The following TTC27 variants were observed in gnomAD, a reference collection of about 807,000 sequenced individuals.
The protein encoded by TTC27 is tetratricopeptide repeat domain 27.
A neutral mutation model predicts 115.9 loss-of-function variants in TTC27; 79 were observed. The observed-to-expected ratio is 0.68, with a 90% CI of 0.57 to 0.82. The LOEUF is 0.82. Ranked by LOEUF, TTC27 falls within the 40% of genes least tolerant of loss-of-function variation. TTC27 has a pLI of 0.00. For missense variants in TTC27, 1,054 were observed against 993.1 expected, an observed-to-expected ratio of 1.06 and a Z score of -0.82; for synonymous variants, 401 against 356.0, an observed-to-expected ratio of 1.13 and a Z score of -1.42.
At chr2:32,733,054 A>C (rs1004930068) in intron 10 of TTC27, among the ~76,000 whole-genome samples, 5 of 152,192 alleles carry the variant, frequency 3.3e-5, no homozygotes, top group Non-Finnish European at 5.9e-5. Flanking sequence ...GCAATCCCAC[A>C]ATGTGTCTTC....
chr2:32,685,015 C>CTTT (rs70938361), intron 9 of TTC27, among the ~76,000 whole-genome samples: 2 of 116,310 alleles, frequency 1.7e-5, no homozygotes, highest in Admixed American at 1.0e-4. Flanking sequence ...TTGCCTTTTC[C>CTTT]TTTTTTTTTT....
chr2:32,670,052 A>G (rs1665953196), intron 7 of TTC27, among the ~76,000 whole-genome samples: 2 of 151,684 alleles, frequency 1.3e-5, no homozygotes, highest in South Asian at 4.2e-4. Flanking sequence ...TAGTTGTTGT[A>G]TTTTTAGTAG....
chr2:32,817,884 C>T (rs1213349096), intron 19 of TTC27, among the ~76,000 whole-genome samples: 2 of 152,068 alleles, frequency 1.3e-5, no homozygotes, highest in Non-Finnish European at 2.9e-5. Context: ...GGTGAAACCC[C>T]ATCTCTACTA....
chr2:32,718,729 T>C (rs1316505750), intron 10 of TTC27, among the ~76,000 whole-genome samples: 1 of 152,194 alleles, frequency 6.6e-6, no homozygotes, highest in East Asian at 1.9e-4. Context: ...CAGGGCTGAC[T>C]GCAGACTCTG....
At chr2:32,819,400 G>A (rs1671608905) in intron 19 of TTC27, among the ~76,000 whole-genome samples, 1 of 151,966 alleles carries the variant, frequency 6.6e-6, no homozygotes, top group Admixed American at 6.6e-5. Flanking sequence ...CATATATTTG[G>A]GAGTCTCTGG....
At chr2:32,814,918 T>A (rs894989270) in intron 18 of TTC27, among the ~76,000 whole-genome samples, 6 of 152,316 alleles carry the variant, frequency 3.9e-5, no homozygotes, top group African/African-American at 4.8e-5. Context: ...CATGACTGAA[T>A]AACATTTTTA....
chr2:32,723,469 C>G (rs899904381), intron 10 of TTC27, among the ~76,000 whole-genome samples: 1 of 152,010 alleles, frequency 6.6e-6, no homozygotes, highest in African/African-American at 2.4e-5. Context: ...ATGTTTTTCT[C>G]TCTCCCCAGG....
chr2:32,741,482 A>G (rs1668635116), intron 12 of TTC27, among the ~76,000 whole-genome samples: 1 of 151,636 alleles, frequency 6.6e-6, no homozygotes, highest in Non-Finnish European at 1.5e-5. Flanking sequence ...TCTCTACTAA[A>G]AATACAAAAA....
intron 16 of TTC27, among the ~76,000 whole-genome samples, chr2:32,802,419 A>G (rs1204470770): frequency 2.0e-5 from 3 of 152,066 alleles, no homozygotes; most frequent in African/African-American, 7.2e-5. Flanking sequence ...CTTTTCTCCT[A>G]TTATCACCCC....
At chr2:32,636,252 C>T (rs576084449) in intron 3 of TTC27, among the ~76,000 whole-genome samples, 4 of 152,234 alleles carry the variant, frequency 2.6e-5, no homozygotes, top group South Asian at 4.1e-4. Context: ...CTCACTCTGT[C>T]GCCCAGGCTG....
At chr2:32,776,307 T>C (rs1345525345) in intron 13 of TTC27, among the ~76,000 whole-genome samples, 1 of 152,220 alleles carries the variant, frequency 6.6e-6, no homozygotes, top group East Asian at 1.9e-4. Context: ...TTCAGGCCTC[T>C]GCTAGCCACA....
chr2:32,808,193 C>G (rs1469568984), intron 16 of TTC27, among the ~76,000 whole-genome samples: 1 of 152,064 alleles, frequency 6.6e-6, no homozygotes, highest in Non-Finnish European at 1.5e-5. Flanking sequence ...CCTCTGCCTC[C>G]CAGAGTGCTG....
chr2:32,766,008 CA>C (rs199579531), intron 13 of TTC27, among the ~76,000 whole-genome samples: 1,563 of 152,296 alleles, frequency 0.01, 16 homozygotes, highest in Middle Eastern at 0.031. Context: ...GCTTTCTTAT[CA>C]CTTGTGTATT....
chr2:32,732,372 G>A (rs191348485), intron 10 of TTC27, among the ~76,000 whole-genome samples: 1 of 152,198 alleles, frequency 6.6e-6, no homozygotes, highest in Non-Finnish European at 1.5e-5. Flanking sequence ...GATTGTCAAC[G>A]AAGTGTTGTG....
chr2:32,756,411 C>T (rs1285218000), intron 12 of TTC27, among the ~76,000 whole-genome samples: 2 of 152,202 alleles, frequency 1.3e-5, no homozygotes, highest in Non-Finnish European at 2.9e-5. Flanking sequence ...AGAGGAATTA[C>T]ATGGATTATA....
rs990110501 is a variant in TTC27 at position 32,782,342 on chromosome 2, T to C, written c.1780-284T>C. On this transcript the variant is annotated intron_variant, in intron 14 of 19. Coordinates refer to ENST00000317907, the MANE Select transcript of TTC27 (RefSeq NM_017735.5). ...AATCTATGTACTATATAGAGTATGTTGTATTAGTTATTTTGTAAGTCTAAA... is the reference window on the plus strand; with the variant it reads ...AATCTATGTACTATATAGAGTATGTCGTATTAGTTATTTTGTAAGTCTAAA... 2.6e-5 allele frequency among the ~76,000 whole-genome samples: 4 copies of C among 152,364 alleles called. No individual in the cohort carries two copies. In the South Asian group the frequency reaches 6.2e-4, roughly 24 times the overall value.
chr2:32,656,279 A>T (rs1665312421), intron 5 of TTC27, among the ~76,000 whole-genome samples: 1 of 152,168 alleles, frequency 6.6e-6, no homozygotes, highest in Non-Finnish European at 1.5e-5. Flanking sequence ...GGTAGGACAA[A>T]CAGGTAATGC....
chr2:32,726,679 G>T (rs913586629), intron 10 of TTC27, among the ~76,000 whole-genome samples: 1 of 152,198 alleles, frequency 6.6e-6, no homozygotes, highest in Non-Finnish European at 1.5e-5. Flanking sequence ...CTGTTGCCCA[G>T]TTCCAAAGTT....
Position 32,628,241 on chromosome 2 carries a change from T to C in TTC27, c.-52T>C. 1 of 1,544,970 alleles carries C rather than the reference T, an allele frequency of 6.5e-7. No individual in the cohort carries two copies. The highest frequency in any genetic ancestry group is 8.8e-7 in the Non-Finnish European group (1 of 1,133,034). On this transcript the variant is annotated 5_prime_UTR_variant, in exon 1 of 20. Coordinates refer to ENST00000317907, the MANE Select transcript of TTC27 (RefSeq NM_017735.5). Reference sequence around the variant, plus strand: ...CCTGTTTTCACTTTCTTTTGTTGACTCCCGTGTGGCCCTCGTGGGAGCCTG... The same window carrying C: ...CCTGTTTTCACTTTCTTTTGTTGACCCCCGTGTGGCCCTCGTGGGAGCCTG...
Sources: allele counts gnomAD v4.1 joint callset (sites outside exome capture counted in the v4.1 genomes callset), GRCh38; gene constraint gnomAD v4.1.1; transcripts MANE v1.5; gene names NCBI Gene and HGNC (gene_info 2026-07-23, HGNC 2026-07-21).